Variants in PCDH11X observed in about 807,000 individuals in gnomAD.
The protein encoded by PCDH11X is protocadherin-11 X-linked.
A neutral mutation model predicts 53.3 loss-of-function variants in PCDH11X; 18 were observed. The ratio of observed to expected loss-of-function variants is 0.34; its 90% CI spans 0.23 to 0.50. The LOEUF is 0.50. PCDH11X is among the 20% of genes least tolerant of loss of function. The probability of loss-of-function intolerance (pLI) is 0.98; values close to 1 mark genes in which losing one functional copy is unlikely to be tolerated. For synonymous variants in PCDH11X, 279 were observed against 393.3 expected, an observed-to-expected ratio of 0.71 and a Z score of 3.44; for missense variants, 570 against 1,032.4, an observed-to-expected ratio of 0.55 and a Z score of 6.14.
At chrX:91,962,639 A>G (rs1038056285) in intron 6 of PCDH11X, among the ~76,000 whole-genome samples, 2 of 111,342 alleles carry the variant, frequency 1.8e-5, no homozygotes, top group African/African-American at 6.5e-5. Flanking sequence ...CCAGTAGGCA[A>G]TACCCCAGTG....
At chrX:91,824,678 C>G (rs1301183878) in intron 4 of PCDH11X, among the ~76,000 whole-genome samples, 2 of 104,573 alleles carry the variant, frequency 1.9e-5, no homozygotes, top group African/African-American at 4.1e-5. Context: ...CTCAGCTCGT[C>G]AAAGTCATTC....
Position 91,980,972 on chromosome X carries a change from T to C in PCDH11X, c.3033+101699T>C, listed in dbSNP as rs751494916. ...TTATATATGTATATATATATATATA[T>C]ACACTGAATATATATATATATATAC... On this transcript the variant is annotated intron_variant, in intron 6 of 10. Transcript: ENST00000682573. 5.5e-4 allele frequency among the ~76,000 whole-genome samples: 48 copies of C among 87,439 alleles called. No homozygotes were observed. In the South Asian group the frequency reaches 7.6e-3, roughly 14 times the overall value. 75.9% of individuals were successfully genotyped at this position (87,439 alleles called of 115,157 possible). A position where few individuals can be genotyped will look rare whatever the true frequency, so the allele number is the denominator to read the frequency against.
chrX:92,226,869 A>G (rs1384265681), intron 7 of PCDH11X, among the ~76,000 whole-genome samples: 3 of 111,496 alleles, frequency 2.7e-5, no homozygotes, highest in African/African-American at 6.5e-5. Flanking sequence ...ATGGAAGAGC[A>G]TAAAAAGTTT....
At chrX:92,051,926 T>A (rs1390601478) in intron 6 of PCDH11X, among the ~76,000 whole-genome samples, 1 of 108,937 alleles carries the variant, frequency 9.2e-6, no homozygotes, top group Non-Finnish European at 1.9e-5. Context: ...GTTTTTGAAA[T>A]GTAAATACCA....
At chrX:92,013,545 T>A (rs1602677843) in intron 6 of PCDH11X, among the ~76,000 whole-genome samples, 4 of 111,375 alleles carry the variant, frequency 3.6e-5, no homozygotes, top group African/African-American at 9.8e-5. Context: ...TAAAGTTCAT[T>A]TGGAACCAAA....
chrX:92,201,225 T>C, intron 6 of PCDH11X, 150 bp from the exon 7 acceptor site: 3 of 728,054 alleles, frequency 4.1e-6, no homozygotes, highest in Non-Finnish European at 5.8e-6. Context: ...CAATAACCAT[T>C]TGTTACATAA....
intron 6 of PCDH11X, among the ~76,000 whole-genome samples, chrX:92,117,867 G>A (rs955561954): frequency 8.9e-5 from 10 of 112,072 alleles, no homozygotes; most frequent in African/African-American, 2.9e-4. Context: ...TAGTTCAGCA[G>A]TTACACAGTC....
intron 6 of PCDH11X, among the ~76,000 whole-genome samples, chrX:91,917,569 CAAAAAA>C (rs59199030): frequency 1.3e-4 from 2 of 15,891 alleles, no homozygotes; most frequent in African/African-American, 4.9e-4. Context: ...ACAGCAGCTG[CAAAAAA>C]AAAAAAAAAA....
At chrX:91,969,108 T>G (rs1381280911) in intron 6 of PCDH11X, among the ~76,000 whole-genome samples, 2 of 110,943 alleles carry the variant, frequency 1.8e-5, no homozygotes, top group Non-Finnish European at 3.8e-5. Flanking sequence ...CCTCTTTTAA[T>G]TAAAACACTA....
chrX:91,967,770 T>C (rs1415137668), intron 6 of PCDH11X, among the ~76,000 whole-genome samples: 1 of 112,478 alleles, frequency 8.9e-6, no homozygotes. Flanking sequence ...TCTCTATTTA[T>C]ACAGATTAAT....
At chrX:91,967,845 A>G (rs2147900033) in intron 6 of PCDH11X, among the ~76,000 whole-genome samples, 1 of 112,320 alleles carries the variant, frequency 8.9e-6, no homozygotes, top group East Asian at 2.8e-4. Context: ...TCTTAAAATA[A>G]TACTGCTTGT....
intron 8 of PCDH11X, among the ~76,000 whole-genome samples, chrX:92,323,253 A>G (rs1396694642): frequency 2.7e-5 from 3 of 111,125 alleles, no homozygotes; most frequent in Non-Finnish European, 5.7e-5. Context: ...AGTATGATAT[A>G]TTATAAAAAC....
chrX:91,969,561 G>C (rs2061918311), intron 6 of PCDH11X, among the ~76,000 whole-genome samples: 1 of 110,834 alleles, frequency 9.0e-6, no homozygotes. Context: ...CACTTTGGGA[G>C]TCTGAAGGTG....
At chrX:92,063,280 T>C (rs2063551596) in intron 6 of PCDH11X, among the ~76,000 whole-genome samples, 1 of 109,625 alleles carries the variant, frequency 9.1e-6, no homozygotes, top group Non-Finnish European at 1.9e-5. Context: ...CCATGGCACG[T>C]TTATACCTAT....
At chrX:92,062,015 A>G (rs189341262) in intron 6 of PCDH11X, among the ~76,000 whole-genome samples, 30 of 111,180 alleles carry the variant, frequency 2.7e-4, no homozygotes, top group African/African-American at 9.1e-4. Flanking sequence ...TGTAATTCTC[A>G]TAGTAGAGAC....
At chrX:92,267,228 C>T (rs2067852479) in intron 8 of PCDH11X, among the ~76,000 whole-genome samples, 1 of 111,575 alleles carries the variant, frequency 9.0e-6, no homozygotes. Flanking sequence ...TTGGCTTAGC[C>T]TGAGACTAAA....
At chrX:92,454,264 T>C in intron 9 of PCDH11X, among the ~76,000 whole-genome samples, 1 of 107,668 alleles carries the variant, frequency 9.3e-6, no homozygotes, top group Middle Eastern at 4.7e-3. Context: ...ATGTAAAATA[T>C]ATGTGTATCT....
chrX:92,381,801 G>A (rs2070879971), intron 8 of PCDH11X, among the ~76,000 whole-genome samples: 3 of 111,533 alleles, frequency 2.7e-5, no homozygotes, highest in Admixed American at 1.9e-4. Context: ...CAGAGATGAA[G>A]CAGTGTTCAA....
In PCDH11X at chrX:92,431,494, G is replaced by A. The variant is rs185660225; in HGVS notation, c.3344-36805G>A. Among the ~76,000 whole-genome samples the A allele has an allele frequency of 9.4e-3, 1,040 of 110,512 alleles. 13 individuals are homozygous for A. Among genetic ancestry groups the A allele is most frequent in the Middle Eastern group, 0.019 (4 of 214 alleles). ...CGTATAAGGAGGTAAGGGGAAAAAT[G>A]TAGTTACAAGTAATCAAAGCATTTG... On this transcript the variant is annotated intron_variant, in intron 9 of 10. Transcript: ENST00000682573.
Sources: allele counts gnomAD v4.1 joint callset (sites outside exome capture counted in the v4.1 genomes callset), GRCh38; gene constraint gnomAD v4.1.1; transcripts MANE v1.5; gene names NCBI Gene and HGNC (gene_info 2026-07-23, HGNC 2026-07-21).